CNIH3: variants seen among roughly 807,000 people sequenced by gnomAD.
The protein encoded by CNIH3 is protein cornichon homolog 3.
A neutral mutation model predicts 24.1 loss-of-function variants in CNIH3; 14 were observed. The ratio of observed to expected loss-of-function variants is 0.58; its 90% confidence interval spans 0.38 to 0.91. The LOEUF (loss-of-function observed/expected upper bound fraction) is 0.91, where lower values mean the gene tolerates loss of function less well. Among genes scored for constraint, CNIH3 ranks in the 40% least tolerant of loss-of-function variants. The probability of loss-of-function intolerance (pLI) is 0.00; values close to 1 mark genes in which losing one functional copy is unlikely to be tolerated. For missense variants in CNIH3, 178 were observed against 196.8 expected (o/e 0.90, Z 0.57); for synonymous variants, 68 against 73.8 (o/e 0.92, Z 0.40).
intron 1 of CNIH3, among the ~76,000 whole-genome samples, chr1:224,667,754 A>T (rs994830470): frequency 1.6e-5 from 1 of 62,934 alleles, no homozygotes; most frequent in African/African-American, 6.7e-5. Flanking sequence ...TCAGTCCAAT[A>T]AAAAAAAAAA....
At chr1:224,510,188 C>T (rs530119637) in intron 1 of CNIH3, among the ~76,000 whole-genome samples, 4 of 152,194 alleles carry the variant, frequency 2.6e-5, no homozygotes, top group East Asian at 1.9e-4. Context: ...GAACTGCCCC[C>T]GTGAGAGGCT....
chr1:224,549,624 TA>T (rs1364379656), intron 3 of CNIH3, among the ~76,000 whole-genome samples: 1 of 152,134 alleles, frequency 6.6e-6, no homozygotes, highest in African/African-American at 2.4e-5. Flanking sequence ...ATCAGAAATA[TA>T]GTATGTAATA....
At chr1:224,613,884 G>A (rs956836436), upstream of CNIH3, among the ~76,000 whole-genome samples, 1 of 143,900 alleles carries the variant, frequency 6.9e-6, no homozygotes, top group Non-Finnish European at 1.5e-5. Context: ...TCAGGTTTTT[G>A]TTTTTTTTTT....
At chr1:224,712,099 C>T (rs1572784312) in intron 3 of CNIH3, among the ~76,000 whole-genome samples, 1 of 152,298 alleles carries the variant, frequency 6.6e-6, no homozygotes, top group Non-Finnish European at 1.5e-5. Context: ...GGTGCCATAT[C>T]TTCCCTGGAT....
At chr1:224,688,399 C>A (rs12025142) in intron 3 of CNIH3, among the ~76,000 whole-genome samples, 15,791 of 152,128 alleles carry the variant, frequency 0.1, 1,016 homozygotes, top group East Asian at 0.23. Context: ...ACTAGAATGC[C>A]AGTTCTGGAT....
Position 224,673,803 on chromosome 1 carries a change from C to T in CNIH3, c.82-7155C>T, listed in dbSNP as rs1245690781. On this transcript the variant is annotated intron_variant, in intron 1 of 5. Coordinates refer to ENST00000272133, the MANE Select transcript of CNIH3 (RefSeq NM_152495.2). ...GCCAGGTACATCGTGGGTATCTAGTCAGTATTTTTTTTTTTGGCCTCTTCA... is the reference window on the plus strand; with the variant it reads ...GCCAGGTACATCGTGGGTATCTAGTTAGTATTTTTTTTTTTGGCCTCTTCA... Among the ~76,000 whole-genome samples, 9 of 144,132 alleles carry T rather than the reference C, an allele frequency of 6.2e-5. No individual in the cohort carries two copies. In the South Asian group the frequency reaches 2.0e-3, roughly 32 times the overall value. 94.6% of individuals were successfully genotyped at this position (144,132 alleles called of 152,430 possible).
chr1:224,617,656 A>C (rs1252341559), intron 1 of CNIH3, among the ~76,000 whole-genome samples: 1 of 152,248 alleles, frequency 6.6e-6, no homozygotes, highest in African/African-American at 2.4e-5. Flanking sequence ...TTAAAATGTC[A>C]GCATCTGTGG....
downstream of CNIH3, among the ~76,000 whole-genome samples, chr1:224,592,747 G>A (rs1423762185): frequency 6.6e-6 from 1 of 152,104 alleles, no homozygotes; most frequent in Non-Finnish European, 1.5e-5. Flanking sequence ...GGAGGATGTG[G>A]GCATTTGGCA....
At chr1:224,697,345 T>C (rs1687232820) in intron 3 of CNIH3, among the ~76,000 whole-genome samples, 1 of 152,202 alleles carries the variant, frequency 6.6e-6, no homozygotes, top group Non-Finnish European at 1.5e-5. Context: ...GCACTTGTTT[T>C]TTTAACAGCT....
chr1:224,451,799 G>T lies in CNIH3; in HGVS notation n.203+16937G>T, dbSNP rs150146547. Among the ~76,000 whole-genome samples, 471 of 152,286 alleles carry T rather than the reference G, an allele frequency of 3.1e-3. 1 individual carries two copies. Among genetic ancestry groups the T allele is most frequent in the African/African-American group, 0.01 (436 of 41,546 alleles). On this transcript the variant is annotated intron_variant and non_coding_transcript_variant, in intron 1 of 5. Coordinates refer to the CNIH3 transcript ENST00000471578. ...TCCCCAGTCAGATTGCTTCTGGTTC[G>T]TAAAGTGGGGTAGCAAAGTGGTGAC...
intron 1 of CNIH3, among the ~76,000 whole-genome samples, chr1:224,488,799 T>TGG: frequency 6.7e-6 from 1 of 149,856 alleles, no homozygotes; most frequent in Non-Finnish European, 1.5e-5. Context: ...TTTAGATGTG[T>TGG]TTTTCAGTTC....
At chr1:224,520,934 A>T (rs1018407357) in intron 1 of CNIH3, 1 of 152,282 alleles carries the variant, frequency 6.6e-6, no homozygotes, top group Non-Finnish European at 1.5e-5. Context: ...GATCTGGATC[A>T]GTAATTCCAT....
intron 3 of CNIH3, among the ~76,000 whole-genome samples, chr1:224,596,383 T>A (rs183008869): frequency 7.8e-4 from 119 of 152,358 alleles, no homozygotes; most frequent in Non-Finnish European, 1.6e-3. Flanking sequence ...TGTTGAGACC[T>A]ATTGCTCAGG....
chr1:224,616,814 C>T lies in CNIH3; in HGVS notation c.-361C>T, dbSNP rs1451328356. On this transcript the variant is annotated 5_prime_UTR_variant, in exon 1 of 6. Transcript: ENST00000272133. ...AATGGGACCTCCTCCCTCGGTCCTC[C>T]GTGGAGTCGTCGCATCGCTTGTCGT... 1.8e-6 allele frequency: 2 copies of T among 1,100,204 alleles called. No individual in the cohort carries two copies. The highest frequency in any genetic ancestry group is 2.2e-6 in the Non-Finnish European group (2 of 903,200). The allele number at this position is 1,100,204 out of a possible 1,614,324, so 68.2% of individuals were successfully genotyped here. A position where few individuals can be genotyped will look rare whatever the true frequency, so the allele number is the denominator to read the frequency against.
intron 1 of CNIH3, among the ~76,000 whole-genome samples, chr1:224,674,361 A>T (rs1406136761): frequency 7.1e-6 from 1 of 141,250 alleles, no homozygotes; most frequent in Non-Finnish European, 1.5e-5. Flanking sequence ...GACAAGTGAG[A>T]TAACTTTTAA....
chr1:224,515,887 C>T (rs1015945527), intron 1 of CNIH3: 3 of 152,074 alleles, frequency 2.0e-5, no homozygotes, highest in Non-Finnish European at 2.9e-5. Context: ...GTACGAAGGT[C>T]GTTGCTTAGA....
intron 1 of CNIH3, among the ~76,000 whole-genome samples, chr1:224,509,743 AC>A (rs1280129557): frequency 6.6e-6 from 1 of 152,134 alleles, no homozygotes; most frequent in African/African-American, 2.4e-5. Flanking sequence ...TGACGATGAG[AC>A]CCATGCTCAG....
At chr1:224,730,410 G>A in intron 3 of CNIH3, 52 bp from the exon 4 acceptor site, 5 of 1,170,056 alleles carry the variant, frequency 4.3e-6, no homozygotes, top group Non-Finnish European at 6.2e-6. Flanking sequence ...ATAGAAGCAG[G>A]AGTGGCGTTT....
intron 1 of CNIH3, among the ~76,000 whole-genome samples, chr1:224,655,737 C>G (rs1685066674): frequency 6.6e-6 from 1 of 152,156 alleles, no homozygotes; most frequent in Non-Finnish European, 1.5e-5. Context: ...AGGGAAGAAG[C>G]CTTTTTATTA....
Sources: allele counts gnomAD v4.1 joint callset (sites outside exome capture counted in the v4.1 genomes callset), GRCh38; gene constraint gnomAD v4.1.1; transcripts MANE v1.5; gene names NCBI Gene and HGNC (gene_info 2026-07-23, HGNC 2026-07-21).